ANKRD30BL: variants seen among roughly 807,000 people sequenced by gnomAD.
The protein encoded by ANKRD30BL is ankyrin repeat domain 30B like.
A neutral mutation model predicts 18.4 loss-of-function variants in ANKRD30BL; 20 were observed. The ratio of observed to expected loss-of-function variants is 1.09; its 90% CI spans 0.77 to 1.58. The LOEUF (loss-of-function observed/expected upper bound fraction) is 1.58. Ranked by LOEUF, ANKRD30BL falls within the 40% of genes most tolerant of loss-of-function variation. The probability of loss-of-function intolerance (pLI) is 0.00; values close to 1 mark genes in which losing one functional copy is unlikely to be tolerated. For missense variants in ANKRD30BL, 224 were observed against 268.6 expected, an observed-to-expected ratio of 0.83 and a Z score of 1.16; for synonymous variants, 72 against 100.9, an observed-to-expected ratio of 0.71 and a Z score of 1.72.
chr2:132,206,903 T>A (rs1237711935), intron 1 of ANKRD30BL, among the ~76,000 whole-genome samples: 1 of 152,166 alleles, frequency 6.6e-6, no homozygotes, highest in Admixed American at 6.5e-5. Context: ...TCATTGTCAT[T>A]GCTTGGCTGG....
intron 1 of ANKRD30BL, among the ~76,000 whole-genome samples, chr2:132,236,718 G>T (rs1680161669): frequency 1.3e-5 from 2 of 152,140 alleles, no homozygotes; most frequent in African/African-American, 4.8e-5. Flanking sequence ...TCAGTGTGGT[G>T]ATCCCTCAGG....
intron 5 of ANKRD30BL, among the ~76,000 whole-genome samples, chr2:132,149,691 G>T (rs1232764408): frequency 6.6e-6 from 1 of 152,118 alleles, no homozygotes; most frequent in East Asian, 1.9e-4. Context: ...TTGAATAAGG[G>T]TTTTCACTCT....
intron 1 of ANKRD30BL, among the ~76,000 whole-genome samples, chr2:132,226,255 C>A (rs1262081468): frequency 3.3e-5 from 5 of 151,328 alleles, no homozygotes; most frequent in Admixed American, 1.3e-4. Context: ...AGAGTTGAAC[C>A]TTTCTTTTGA....
intron 1 of ANKRD30BL, among the ~76,000 whole-genome samples, chr2:132,185,868 C>T (rs1428007943): frequency 1.3e-5 from 2 of 152,144 alleles, no homozygotes; most frequent in Non-Finnish European, 2.9e-5. Flanking sequence ...GAGCCAGGTG[C>T]AGTAGCTCAT....
chr2:132,213,701 T>A (rs566371186), intron 1 of ANKRD30BL, among the ~76,000 whole-genome samples: 15 of 152,360 alleles, frequency 9.8e-5, no homozygotes, highest in African/African-American at 3.4e-4. Context: ...ATGTGTGCAT[T>A]CATCTCACAG....
chr2:132,209,813 A>AG (rs1308580361), intron 1 of ANKRD30BL, among the ~76,000 whole-genome samples: 1 of 151,978 alleles, frequency 6.6e-6, no homozygotes, highest in Admixed American at 6.6e-5. Flanking sequence ...TTGCAAGTGG[A>AG]TATTTGGAGC....
chr2:132,216,132 T>A (rs1490693151), intron 1 of ANKRD30BL, among the ~76,000 whole-genome samples: 1 of 152,078 alleles, frequency 6.6e-6, no homozygotes, highest in Non-Finnish European at 1.5e-5. Flanking sequence ...TTGTAGAATC[T>A]GCAAGTGGAT....
intron 1 of ANKRD30BL, among the ~76,000 whole-genome samples, chr2:132,170,716 G>A (rs932336316): frequency 6.6e-6 from 1 of 152,210 alleles, no homozygotes; most frequent in African/African-American, 2.4e-5. Flanking sequence ...CATTGGTAAG[G>A]GAGTGTTTTC....
intron 1 of ANKRD30BL, among the ~76,000 whole-genome samples, chr2:132,248,977 C>T (rs572536487): frequency 2.6e-5 from 4 of 152,264 alleles, no homozygotes; most frequent in Non-Finnish European, 5.9e-5. Flanking sequence ...CACCATAGGC[C>T]TCAAACTGCT....
At chr2:132,222,042 GC>G (rs1238917918) in intron 1 of ANKRD30BL, among the ~76,000 whole-genome samples, 1 of 123,730 alleles carries the variant, frequency 8.1e-6, no homozygotes, top group African/African-American at 3.8e-5. Context: ...CGGGAGGGAG[GC>G]GGGGGGGGGG....
upstream of ANKRD30BL, among the ~76,000 whole-genome samples, chr2:132,164,269 CTTTTTTTTTTTTTTTTTT>C (rs796313755): frequency 2.7e-5 from 3 of 112,224 alleles, no homozygotes; most frequent in South Asian, 9.2e-4. Context: ...TTTTCTTTTT[CTTTTTTTTTTTTTTTTTT>C]TTTTTTAAGA....
intron 1 of ANKRD30BL, among the ~76,000 whole-genome samples, chr2:132,213,979 G>A (rs1289280251): frequency 1.3e-5 from 2 of 151,142 alleles, no homozygotes; most frequent in South Asian, 2.1e-4. Context: ...GGTCAATAAC[G>A]AAATATATTC....
intron 1 of ANKRD30BL, among the ~76,000 whole-genome samples, chr2:132,191,689 C>T (rs1678853106): frequency 6.7e-6 from 1 of 150,300 alleles, no homozygotes; most frequent in African/African-American, 2.5e-5. Flanking sequence ...ACTCAAATCT[C>T]TTACCCATTT....
At chr2:132,244,623 C>T (rs576824984) in intron 1 of ANKRD30BL, among the ~76,000 whole-genome samples, 1 of 152,294 alleles carries the variant, frequency 6.6e-6, no homozygotes, top group Admixed American at 6.5e-5. Context: ...TTCTCAGACA[C>T]TTCGTTGTGA....
chr2:132,234,089 G>C (rs1452754051), intron 1 of ANKRD30BL, among the ~76,000 whole-genome samples: 1 of 152,032 alleles, frequency 6.6e-6, no homozygotes, highest in Non-Finnish European at 1.5e-5. Flanking sequence ...AATGACTACT[G>C]GATATTTAAC....
At position 132,234,398 on chromosome 2, in the gene ANKRD30BL, G is replaced by T. The variant is rs1458386851; in HGVS notation, n.441+23131C>A. On this transcript the variant is annotated intron_variant and non_coding_transcript_variant, in intron 1 of 4. Transcript: ENST00000470729. ...CTTCAAAAAATTAATGAATCCAGGA[G>T]CTGGTTTTTTGAAAGGATCAACAAA... Among the ~76,000 whole-genome samples, 562 of 152,076 alleles carry T rather than the reference G, an allele frequency of 3.7e-3. 7 individuals are homozygous for T. Among genetic ancestry groups the T allele is most frequent in the Non-Finnish European group, 5.2e-3 (355 of 67,984 alleles).
chr2:132,209,519 AT>A (rs1230575740), intron 1 of ANKRD30BL, among the ~76,000 whole-genome samples: 1 of 151,414 alleles, frequency 6.6e-6, no homozygotes, highest in African/African-American at 2.4e-5. Flanking sequence ...ACATCTGCAC[AT>A]AAAAACTACA....
intron 1 of ANKRD30BL, among the ~76,000 whole-genome samples, chr2:132,192,547 A>C (rs1194822810): frequency 6.6e-6 from 1 of 152,214 alleles, no homozygotes; most frequent in Non-Finnish European, 1.5e-5. Context: ...AAGTCATGAC[A>C]CCAGAAGGGA....
At chr2:132,149,702 A>C (rs963638174) in intron 5 of ANKRD30BL, among the ~76,000 whole-genome samples, 1 of 152,228 alleles carries the variant, frequency 6.6e-6, no homozygotes, top group African/African-American at 2.4e-5. Flanking sequence ...TTTTCACTCT[A>C]GGAGCCCACT....
Sources: allele counts gnomAD v4.1 joint callset (sites outside exome capture counted in the v4.1 genomes callset), GRCh38; gene constraint gnomAD v4.1.1; transcripts MANE v1.5; gene names NCBI Gene and HGNC (gene_info 2026-07-23, HGNC 2026-07-21).